The following GPC5 variants were observed in gnomAD, a reference collection of about 807,000 sequenced individuals.
GPC5 encodes glypican-5.
A neutral mutation model predicts 53.9 loss-of-function variants in GPC5; 47 were observed. The observed-to-expected ratio is 0.87, with a 90% CI of 0.69 to 1.11. GPC5 has a LOEUF of 1.11. Among genes scored for constraint, GPC5 ranks in the 50% most tolerant of loss-of-function variants. The pLI, the probability that GPC5 is intolerant of heterozygous loss-of-function variation, is 0.00. For synonymous variants in GPC5, 286 were observed against 263.3 expected, an observed-to-expected ratio of 1.09 and a Z score of -0.84; for missense variants, 748 against 713.1, an observed-to-expected ratio of 1.05 and a Z score of -0.56.
intron 7 of GPC5, among the ~76,000 whole-genome samples, chr13:92,583,062 G>T (rs1157152990): frequency 6.8e-6 from 1 of 146,724 alleles, no homozygotes; most frequent in Non-Finnish European, 1.6e-5. Context: ...TCCTTGTCTT[G>T]TTCCTGATCA....
At chr13:91,699,806 T>C (rs919146013) in intron 3 of GPC5, among the ~76,000 whole-genome samples, 22 of 152,216 alleles carry the variant, frequency 1.4e-4, no homozygotes, top group Admixed American at 6.5e-5. Flanking sequence ...TAGAGATCTT[T>C]TCTAAAGGTT....
At chr13:92,442,430 C>T (rs1454415739) in intron 7 of GPC5, among the ~76,000 whole-genome samples, 3 of 151,930 alleles carry the variant, frequency 2.0e-5, no homozygotes, top group Admixed American at 1.3e-4. Flanking sequence ...AAGACTATAC[C>T]ATAGAGTGAG....
At chr13:91,811,466 A>G (rs960150804) in intron 5 of GPC5, among the ~76,000 whole-genome samples, 1 of 152,152 alleles carries the variant, frequency 6.6e-6, no homozygotes, top group African/African-American at 2.4e-5. Flanking sequence ...TTAACAGCAC[A>G]TTAACAGAAA....
At chr13:92,602,627 G>A (rs1884114454) in intron 7 of GPC5, among the ~76,000 whole-genome samples, 1 of 152,102 alleles carries the variant, frequency 6.6e-6, no homozygotes, top group South Asian at 2.1e-4. Flanking sequence ...TCTGAGAACA[G>A]TATAGGCCAA....
chr13:92,235,323 T>C (rs965431189), intron 7 of GPC5, among the ~76,000 whole-genome samples: 33 of 152,152 alleles, frequency 2.2e-4, no homozygotes, highest in African/African-American at 8.0e-4. Flanking sequence ...ACTAATACTG[T>C]ATTTATTGAA....
At chr13:92,417,533 G>A (rs1202170880) in intron 7 of GPC5, among the ~76,000 whole-genome samples, 3 of 152,102 alleles carry the variant, frequency 2.0e-5, no homozygotes, top group African/African-American at 7.2e-5. Flanking sequence ...ACAAAAACTT[G>A]TGCACAAATG....
At chr13:92,356,388 A>G (rs1022941778) in intron 7 of GPC5, among the ~76,000 whole-genome samples, 3 of 152,208 alleles carry the variant, frequency 2.0e-5, no homozygotes, top group Non-Finnish European at 4.4e-5. Context: ...GTTGGCTTTT[A>G]TGCAGTGCTA....
intron 1 of GPC5, among the ~76,000 whole-genome samples, chr13:91,408,984 T>C (rs1406292487): frequency 6.6e-6 from 1 of 152,206 alleles, no homozygotes; most frequent in Non-Finnish European, 1.5e-5. Flanking sequence ...AGAGTGTGTC[T>C]TCATTGATTA....
At chr13:92,116,987 G>A (rs1188531752) in intron 6 of GPC5, among the ~76,000 whole-genome samples, 1 of 152,018 alleles carries the variant, frequency 6.6e-6, no homozygotes, top group Non-Finnish European at 1.5e-5. Flanking sequence ...TAGTTTATGG[G>A]TTGTCTATTC....
At chr13:92,401,346 C>A (rs369113843) in intron 7 of GPC5, among the ~76,000 whole-genome samples, 1 of 151,992 alleles carries the variant, frequency 6.6e-6, no homozygotes, top group African/African-American at 2.4e-5. Context: ...AAGAGTTAAT[C>A]AAAATGACTA....
intron 7 of GPC5, among the ~76,000 whole-genome samples, chr13:92,744,291 G>A (rs960965823): frequency 6.6e-6 from 1 of 152,046 alleles, no homozygotes; most frequent in Non-Finnish European, 1.5e-5. Flanking sequence ...GAGAGCAGGA[G>A]TATATCTGAG....
intron 4 of GPC5, among the ~76,000 whole-genome samples, chr13:91,744,918 C>T (rs916566303): frequency 5.9e-5 from 9 of 152,054 alleles, no homozygotes; most frequent in African/African-American, 1.9e-4. Flanking sequence ...TTTCTTTAAA[C>T]TAGTAGACTG....
chr13:92,312,231 G>T (rs2043149732), intron 7 of GPC5, among the ~76,000 whole-genome samples: 1 of 152,062 alleles, frequency 6.6e-6, no homozygotes, highest in South Asian at 2.1e-4. Flanking sequence ...CCTCTTTCTA[G>T]AACATCTCCA....
At chr13:92,650,348 T>C (rs1193639533) in intron 7 of GPC5, among the ~76,000 whole-genome samples, 2 of 152,150 alleles carry the variant, frequency 1.3e-5, no homozygotes, top group African/African-American at 4.8e-5. Context: ...TCACACACTA[T>C]AGGATTCTGC....
chr13:92,492,343 G>A (rs1879796182), intron 7 of GPC5, among the ~76,000 whole-genome samples: 1 of 151,730 alleles, frequency 6.6e-6, no homozygotes, highest in Non-Finnish European at 1.5e-5. Context: ...AGTGCCTGTT[G>A]TGGGGTGGGA....
chr13:92,041,548 G>A (rs2040941802), intron 6 of GPC5, among the ~76,000 whole-genome samples: 1 of 152,108 alleles, frequency 6.6e-6, no homozygotes, highest in Admixed American at 6.5e-5. Flanking sequence ...TAAAAATAAA[G>A]TCACACTCAT....
chr13:91,699,347 G>C lies in GPC5; in HGVS notation c.1020+5466G>C, dbSNP rs549620130. Reference sequence around the variant, plus strand: ...AAGGTGGAAGGTGTGACCAAAGGTTGTATATAAGCTACCTCATAGACGAAG... The same window carrying C: ...AAGGTGGAAGGTGTGACCAAAGGTTCTATATAAGCTACCTCATAGACGAAG... On this transcript the variant is annotated intron_variant, in intron 3 of 7. Transcript: ENST00000377067. Among the ~76,000 whole-genome samples the C allele has an allele frequency of 5.3e-5, 8 of 152,314 alleles. No homozygotes were observed. In the South Asian group the frequency reaches 1.7e-3, roughly 32 times the overall value.
chr13:92,405,526 T>A (rs1875754420), intron 7 of GPC5, among the ~76,000 whole-genome samples: 1 of 152,240 alleles, frequency 6.6e-6, no homozygotes, highest in Non-Finnish European at 1.5e-5. Context: ...TATTCAAAAT[T>A]TTCACATTCT....
At chr13:92,034,095 T>C (rs879698796) in intron 6 of GPC5, among the ~76,000 whole-genome samples, 7 of 152,060 alleles carry the variant, frequency 4.6e-5, no homozygotes, top group Admixed American at 3.3e-4. Flanking sequence ...GGATTTCTAA[T>C]GCTAACAAAA....
Sources: allele counts gnomAD v4.1 joint callset (sites outside exome capture counted in the v4.1 genomes callset), GRCh38; gene constraint gnomAD v4.1.1; transcripts MANE v1.5; gene names NCBI Gene and HGNC (gene_info 2026-07-23, HGNC 2026-07-21).